Variants in PLEKHA5 observed in about 807,000 individuals in gnomAD.
The protein encoded by PLEKHA5 is pleckstrin homology domain-containing family A member 5.
Under a neutral mutation model 181.9 loss-of-function variants are expected in PLEKHA5, and 55 were observed. The observed-to-expected ratio is 0.30, with a 90% CI of 0.24 to 0.38. The LOEUF is 0.38. Among genes scored for constraint, PLEKHA5 ranks in the 10% least tolerant of loss-of-function variants. PLEKHA5 has a pLI of 1.00. For synonymous variants in PLEKHA5, 535 were observed against 529.4 expected, an observed-to-expected ratio of 1.01 and a Z score of -0.15; for missense variants, 1,432 against 1,549.5, an observed-to-expected ratio of 0.92 and a Z score of 1.27.
intron 3 of PLEKHA5, among the ~76,000 whole-genome samples, chr12:19,160,050 C>T (rs746171097): frequency 7.9e-5 from 12 of 151,984 alleles, no homozygotes; most frequent in Non-Finnish European, 1.5e-4. Flanking sequence ...CCATATAGCT[C>T]TCATTTTAGT....
chr12:19,242,683 T>G (rs536866020), intron 3 of PLEKHA5, among the ~76,000 whole-genome samples: 2 of 152,226 alleles, frequency 1.3e-5, no homozygotes, highest in South Asian at 2.1e-4. Flanking sequence ...CATTTAATTT[T>G]TTTCCCCTTA....
chr12:19,173,632 A>G (rs974010720), intron 3 of PLEKHA5, among the ~76,000 whole-genome samples: 7 of 152,118 alleles, frequency 4.6e-5, no homozygotes, highest in Admixed American at 2.6e-4. Context: ...ATCACTCACT[A>G]TTTGAAGCTG....
chr12:19,287,049 G>A lies in PLEKHA5; in HGVS notation c.1780-424G>A, dbSNP rs539098444. On this transcript the variant is annotated intron_variant, in intron 12 of 31. Coordinates refer to ENST00000429027, the MANE Select transcript of PLEKHA5 (RefSeq NM_001256470.2). ...GCCTCGCTCTGTTGCCCAGGCTGGA[G>A]TGCAGTGGTGCTATCTCGGCTCACT... Among the ~76,000 whole-genome samples the A allele has an allele frequency of 2.6e-5, 4 of 152,052 alleles. No individual in the cohort carries two copies. In the South Asian group the frequency reaches 8.3e-4, roughly 32 times the overall value.
intron 3 of PLEKHA5, among the ~76,000 whole-genome samples, chr12:19,181,143 C>A (rs2048465591): frequency 6.6e-6 from 1 of 151,842 alleles, no homozygotes; most frequent in South Asian, 2.1e-4. Context: ...ATGACCTGAA[C>A]TAGGTATAAC....
chr12:19,251,475 A>G (rs1042140233), intron 3 of PLEKHA5, among the ~76,000 whole-genome samples: 2 of 151,964 alleles, frequency 1.3e-5, no homozygotes, highest in African/African-American at 4.8e-5. Flanking sequence ...TGTGTTTCAT[A>G]AAACAGGCAG....
intron 3 of PLEKHA5, among the ~76,000 whole-genome samples, chr12:19,146,866 T>A (rs753302875): frequency 6.6e-5 from 10 of 152,228 alleles, no homozygotes; most frequent in Non-Finnish European, 1.2e-4. Context: ...TTAGCTGTAT[T>A]ACTTTGATAA....
chr12:19,270,090 C>A (rs2072133165), intron 9 of PLEKHA5, 98 bp from the exon 10 acceptor site: 2 of 755,100 alleles, frequency 2.6e-6, no homozygotes, highest in Admixed American at 3.4e-5. Flanking sequence ...TTTTATTCCA[C>A]TTTTCTTCTT....
intron 3 of PLEKHA5, chr12:19,202,004 C>G (rs1273599067): frequency 2.1e-6 from 2 of 970,360 alleles, no homozygotes; most frequent in African/African-American, 3.5e-5. Flanking sequence ...GTTAGTACCA[C>G]TTGCCTTGGG....
chr12:19,212,246 G>A (rs896694952), intron 3 of PLEKHA5, among the ~76,000 whole-genome samples: 27 of 152,072 alleles, frequency 1.8e-4, no homozygotes, highest in African/African-American at 6.5e-4. Flanking sequence ...TGAGGCGACG[G>A]CCACTGCCCT....
At chr12:19,203,794 A>G (rs2054744484) in intron 3 of PLEKHA5, among the ~76,000 whole-genome samples, 1 of 152,108 alleles carries the variant, frequency 6.6e-6, no homozygotes, top group South Asian at 2.1e-4. Flanking sequence ...ATTGCAGCGT[A>G]CCGTGACTCA....
At chr12:19,142,051 T>A (rs16915116) in intron 3 of PLEKHA5, among the ~76,000 whole-genome samples, 7,797 of 152,212 alleles carry the variant, frequency 0.051, 380 homozygotes, top group Admixed American at 0.15. Context: ...GCTAAAGTGG[T>A]TGAAGTTGCA....
At chr12:19,202,078 T>A in intron 3 of PLEKHA5, 4 of 721,020 alleles carry the variant, frequency 5.5e-6, no homozygotes, top group Non-Finnish European at 5.1e-6. Flanking sequence ...TTCCCCTACC[T>A]TTTTCCATAT....
chr12:19,306,631 C>G, intron 15 of PLEKHA5: 1 of 1,115,148 alleles, frequency 9.0e-7, no homozygotes. Flanking sequence ...GCGGTGGAGG[C>G]GGCGGCATCG....
rs377133897 is a variant in PLEKHA5, at chr12:19,168,547, C to T, written c.227+36097C>T. Among the ~76,000 whole-genome samples the T allele has an allele frequency of 4.2e-4, 62 of 148,316 alleles. 1 individual carries two copies. The highest frequency in any genetic ancestry group is 1.4e-3 in the African/African-American group (56 of 41,066). ...TCAGTAGGAGAAATAAAATTTGATA[C>T]GATTAGTAGTATTTTTGCCTGTGTT... On this transcript the variant is annotated intron_variant, in intron 3 of 31. Transcript: ENST00000429027.
At chr12:19,372,854 C>T (rs1292147785) in intron 31 of PLEKHA5, 2 of 151,634 alleles carry the variant, frequency 1.3e-5, no homozygotes, top group Non-Finnish European at 2.9e-5. Context: ...GAGCCTTGCC[C>T]TCCTGGGCTT....
intron 3 of PLEKHA5, among the ~76,000 whole-genome samples, chr12:19,167,285 T>G (rs2044617160): frequency 6.6e-6 from 1 of 152,008 alleles, no homozygotes; most frequent in African/African-American, 2.4e-5. Context: ...TTATATGATA[T>G]ATAAAAGTGA....
intron 3 of PLEKHA5, chr12:19,243,172 T>G (rs1380657306): frequency 6.6e-6 from 1 of 152,222 alleles, no homozygotes; most frequent in East Asian, 1.9e-4. Flanking sequence ...GGCTTTATTC[T>G]GTTCTAGTGT....
intron 3 of PLEKHA5, among the ~76,000 whole-genome samples, chr12:19,133,847 T>C (rs1288280036): frequency 6.6e-6 from 1 of 152,030 alleles, no homozygotes; most frequent in Admixed American, 6.5e-5. Flanking sequence ...AGTCATCAAA[T>C]GTTTTTCTAT....
At chr12:19,256,843 T>C (rs543489817) in intron 5 of PLEKHA5, among the ~76,000 whole-genome samples, 1 of 152,320 alleles carries the variant, frequency 6.6e-6, no homozygotes, top group Non-Finnish European at 1.5e-5. Context: ...TATCCTTATG[T>C]GTATTTTGAA....
Sources: allele counts gnomAD v4.1 joint callset (sites outside exome capture counted in the v4.1 genomes callset), GRCh38; gene constraint gnomAD v4.1.1; transcripts MANE v1.5; gene names NCBI Gene and HGNC (gene_info 2026-07-23, HGNC 2026-07-21).